The following LRP1B variants were observed in gnomAD, a reference collection of about 807,000 sequenced individuals.
The protein encoded by LRP1B is LDL receptor related protein 1B, also known as low-density lipoprotein receptor-related protein 1B.
Under a neutral mutation model 556.6 loss-of-function variants are expected in LRP1B, and 217 were observed. The observed-to-expected ratio is 0.39, with a 90% CI of 0.35 to 0.44. The LOEUF (loss-of-function observed/expected upper bound fraction) is 0.44, where lower values mean the gene tolerates loss of function less well. Ranked by LOEUF, LRP1B falls within the 20% of genes least tolerant of loss-of-function variation. LRP1B has a pLI of 1.00. For synonymous variants in LRP1B, 2,047 were observed against 1,865.8 expected (o/e 1.10, Z -2.50); for missense variants, 5,053 against 5,620.8 (o/e 0.90, Z 3.23).
At chr2:140,352,554 T>C (rs1379930812) in intron 76 of LRP1B, among the ~76,000 whole-genome samples, 5 of 152,148 alleles carry the variant, frequency 3.3e-5, no homozygotes, top group Admixed American at 2.6e-4. Flanking sequence ...TTTAAAACCT[T>C]TAAAATCCTT....
At chr2:140,976,775 T>C (rs1285935517) in intron 18 of LRP1B, among the ~76,000 whole-genome samples, 1 of 152,058 alleles carries the variant, frequency 6.6e-6, no homozygotes, top group East Asian at 1.9e-4. Context: ...CTTCCCAAAG[T>C]ACTGGGATTA....
chr2:141,142,652 C>A (rs535761722), intron 7 of LRP1B, among the ~76,000 whole-genome samples: 76 of 152,212 alleles, frequency 5.0e-4, no homozygotes, highest in South Asian at 1.5e-3. Flanking sequence ...TCTACTATCT[C>A]ATCTTCAAAT....
At chr2:141,711,675 C>T (rs777500840) in intron 2 of LRP1B, among the ~76,000 whole-genome samples, 21 of 152,078 alleles carry the variant, frequency 1.4e-4, no homozygotes, top group Non-Finnish European at 2.5e-4. Flanking sequence ...ATAAAATTCA[C>T]AAAAGTCCTT....
chr2:141,464,606 A>ATATATATTTTTTTTTTTTTTTTT, intron 3 of LRP1B, among the ~76,000 whole-genome samples: 21 of 90,520 alleles, frequency 2.3e-4, no homozygotes, highest in Admixed American at 6.2e-4. Context: ...ATATATATAT[A>ATATATATTTTTTTTTTTTTTTTT]TTTTTTTAGT....
intron 36 of LRP1B, 77 bp downstream of exon 36, chr2:140,716,601 TAGAA>T: frequency 7.2e-7 from 1 of 1,395,684 alleles, no homozygotes; most frequent in Non-Finnish European, 9.7e-7. Context: ...TGTTATGAGT[TAGAA>T]AAGATTTTTT....
chr2:141,549,852 G>A (rs145403031), intron 2 of LRP1B, among the ~76,000 whole-genome samples: 22 of 152,210 alleles, frequency 1.4e-4, no homozygotes, highest in African/African-American at 5.1e-4. Flanking sequence ...AAAATTAGAT[G>A]GGCGTGGTGG....
In LRP1B at chr2:140,867,657, A is replaced by G. The variant is rs1251149038; in HGVS notation, c.4512T>C (p.Ser1504=). 2 of 1,613,598 alleles carry G rather than the reference A, an allele frequency of 1.2e-6. No individual in the cohort carries two copies. The highest frequency in any genetic ancestry group is 1.7e-5 in the Admixed American group (1 of 59,974). Residue 1504 remains serine, a synonymous_variant, in exon 27 of 91, where the codon AGT becomes AGC. Coordinates refer to ENST00000389484, the MANE Select transcript of LRP1B (RefSeq NM_018557.3). ...KANKWTGQNV[S]VIQKTSAQPF... ...GCTGTGCACTGGTTTTCTGAATCAC[A>G]CTGACATTCTGCCCTGTCCACTTAT...
chr2:141,459,504 C>A (rs1477204604), intron 3 of LRP1B, among the ~76,000 whole-genome samples: 1 of 151,998 alleles, frequency 6.6e-6, no homozygotes, highest in African/African-American at 2.4e-5. Context: ...GAGAAGGAAG[C>A]AAGGTGATAT....
intron 3 of LRP1B, among the ~76,000 whole-genome samples, chr2:141,334,780 G>T (rs1277745012): frequency 6.6e-6 from 1 of 152,114 alleles, no homozygotes; most frequent in African/African-American, 2.4e-5. Context: ...TTGAACTCCT[G>T]ACCTCAGATG....
At position 141,015,784 on chromosome 2, in the gene LRP1B, G is replaced by A. The variant is rs762036339; in HGVS notation, c.2102C>T (p.Thr701Ile). The A allele has an allele frequency of 6.2e-7, 1 of 1,613,510 alleles. No individual in the cohort carries two copies. Among genetic ancestry groups the A allele is most frequent in the Non-Finnish European group, 8.5e-7 (1 of 1,179,726 alleles). The change falls in exon 13 of 91, where the codon ACT becomes ATT. Residue 701 changes from threonine to isoleucine, a missense_variant. Physicochemically the swap from Thr to Ile is moderately conservative, Grantham distance 89. Transcript: ENST00000389484. The stretch of plus-strand genomic sequence containing the variant: ...TAATGTGTTGGTGTGAAAGTCCAGA[G>A]TTAAACCGTTTGGCCACAGCATCTT... The part of the protein sequence containing the change: ...TSKMLWPNGL[T>I]LDFHTNTLYW...
intron 3 of LRP1B, among the ~76,000 whole-genome samples, chr2:141,464,842 G>T (rs1332206804): frequency 6.6e-6 from 1 of 151,686 alleles, no homozygotes; most frequent in Non-Finnish European, 1.5e-5. Context: ...CACTGATAGG[G>T]ATTTATTTGG....
intron 31 of LRP1B, among the ~76,000 whole-genome samples, chr2:140,828,903 GAC>G (rs1691617584): frequency 6.7e-6 from 1 of 149,748 alleles, no homozygotes; most frequent in African/African-American, 2.5e-5. Flanking sequence ...CCTACAAAAA[GAC>G]ACACATCGGC....
At chr2:141,057,510 G>T (rs1292876656) in intron 9 of LRP1B, among the ~76,000 whole-genome samples, 2 of 151,672 alleles carry the variant, frequency 1.3e-5, no homozygotes, top group Non-Finnish European at 2.9e-5. Flanking sequence ...ACGTGTTGTT[G>T]GGGGGGACCC....
intron 7 of LRP1B, among the ~76,000 whole-genome samples, chr2:141,162,563 A>T (rs1680084039): frequency 6.6e-6 from 1 of 152,070 alleles, no homozygotes; most frequent in Non-Finnish European, 1.5e-5. Context: ...ATCTTCTTCC[A>T]AGATCTAGGA....
intron 41 of LRP1B, among the ~76,000 whole-genome samples, chr2:140,623,823 G>A (rs1406550971): frequency 6.6e-6 from 1 of 151,702 alleles, no homozygotes; most frequent in African/African-American, 2.4e-5. Context: ...GGAGGCTGAG[G>A]CAGGAGAATC....
Position 140,444,455 on chromosome 2 carries a change from A to G in LRP1B, c.10175-6T>C. On this transcript the variant is annotated splice_polypyrimidine_tract_variant and splice_region_variant and intron_variant, in intron 64 of 90. Coordinates refer to ENST00000389484, the MANE Select transcript of LRP1B (RefSeq NM_018557.3). ...TGACAGGCAGACATGTGTGTCTAGA[A>G]CATAGAAGGAGAGAGAGAGAGAAAA... 1 of 1,614,000 alleles carries G rather than the reference A, an allele frequency of 6.2e-7. No individual in the cohort carries two copies. Among genetic ancestry groups the G allele is most frequent in the East Asian group, 2.2e-5 (1 of 44,836 alleles).
intron 41 of LRP1B, among the ~76,000 whole-genome samples, chr2:140,661,830 C>T (rs1301367839): frequency 1.3e-5 from 2 of 152,132 alleles, no homozygotes; most frequent in African/African-American, 2.4e-5. Flanking sequence ...ACATATGATA[C>T]ACACTAAGTA....
At chr2:140,651,526 TAAAAAAAAA>T (rs558677783) in intron 41 of LRP1B, among the ~76,000 whole-genome samples, 1 of 107,028 alleles carries the variant, frequency 9.3e-6, no homozygotes, top group Admixed American at 1.0e-4. Flanking sequence ...ATACAAAAAT[TAAAAAAAAA>T]AAAAAAAAAA....
intron 1 of LRP1B, among the ~76,000 whole-genome samples, chr2:142,112,902 T>C (rs1416615500): frequency 6.6e-6 from 1 of 152,134 alleles, no homozygotes; most frequent in African/African-American, 2.4e-5. Context: ...TGTAAAGTCA[T>C]GGATTAAAGG....
Sources: allele counts gnomAD v4.1 joint callset (sites outside exome capture counted in the v4.1 genomes callset), GRCh38; gene constraint gnomAD v4.1.1; transcripts MANE v1.5; gene names NCBI Gene and HGNC (gene_info 2026-07-23, HGNC 2026-07-21).